The following ELP2 variants were observed in gnomAD, a reference collection of about 807,000 sequenced individuals.
The protein encoded by ELP2 is elongator acetyltransferase complex subunit 2.
A neutral mutation model predicts 119.2 loss-of-function variants in ELP2; 90 were observed. That is an observed-to-expected ratio of 0.75 (90% CI 0.64 to 0.90). ELP2 has a LOEUF of 0.90. Among genes scored for constraint, ELP2 ranks in the 40% least tolerant of loss-of-function variants. The pLI is 0.00. For synonymous variants in ELP2, 339 were observed against 331.0 expected (o/e 1.02, Z -0.26); for missense variants, 921 against 967.8 (o/e 0.95, Z 0.64).
intron 12 of ELP2, among the ~76,000 whole-genome samples, chr18:36,155,764 G>C (rs865950138): frequency 1.2e-4 from 19 of 152,034 alleles, no homozygotes; most frequent in African/African-American, 3.6e-4. Context: ...GTTATGTCTT[G>C]TAATTTTAGG....
At chr18:36,159,087 G>A (rs2090653776) in intron 14 of ELP2, among the ~76,000 whole-genome samples, 183 bp downstream of exon 14, 1 of 150,202 alleles carries the variant, frequency 6.7e-6, no homozygotes, top group South Asian at 2.1e-4. Flanking sequence ...TGAAGTAGAT[G>A]CAGTTTTCAC....
At chr18:36,161,025 T>C in intron 17 of ELP2, 21 bp downstream of exon 17, 2 of 1,591,316 alleles carry the variant, frequency 1.3e-6, no homozygotes, top group Non-Finnish European at 1.7e-6. Context: ...TTACTTTTGA[T>C]TCTGCTTGGT....
At chr18:36,130,123 T>TTTTCG in intron 1 of ELP2, 52 bp downstream of exon 1, 1 of 1,611,714 alleles carries the variant, frequency 6.2e-7, no homozygotes, top group Non-Finnish European at 8.5e-7. Context: ...GTTGAACCTG[T>TTTTCG]GGACGTGCTC....
rs745932114 is a variant in ELP2 at position 36,159,971 on chromosome 18, G to A, written c.1644G>A (p.Glu548=). Residue 548 remains glutamate (E), a synonymous_variant, in exon 16 of 22, where the codon GAG becomes GAA. Transcript: ENST00000358232. Reference sequence around the variant, plus strand: ...AATTTATTCTAGAGCCTCCCACTGAGGATCATCTTCTGCAGAATACTTTGT... The same window carrying A: ...AATTTATTCTAGAGCCTCCCACTGAAGATCATCTTCTGCAGAATACTTTGT... The part of the protein sequence containing the change: ...QPSILTEPPT[E]DHLLQNTLWP... The A allele has an allele frequency of 1.2e-6, 2 of 1,614,066 alleles. No homozygotes were observed. Among genetic ancestry groups the A allele is most frequent in the East Asian group, 4.5e-5 (2 of 44,854 alleles).
In ELP2 at chr18:36,171,769, T is replaced by G. The variant is rs185736966; in HGVS notation, c.2324+609T>G. On this transcript the variant is annotated intron_variant, in intron 21 of 21. Coordinates refer to ENST00000358232, the MANE Select transcript of ELP2 (RefSeq NM_018255.4). ...TCTCACTCTGTCACCTAGGCTAGAG[T>G]GCAGTGGCAAGATCCCAGCTCACTG... is the stretch of plus-strand genomic sequence containing the variant. 3.7e-3 allele frequency among the ~76,000 whole-genome samples: 570 copies of G among 152,312 alleles called. 2 individuals carry two copies. Among genetic ancestry groups the G allele is most frequent in the Middle Eastern group, 0.014 (4 of 294 alleles).
chr18:36,164,405 T>C, intron 17 of ELP2, 70 bp from the exon 18 acceptor site: 1 of 1,427,070 alleles, frequency 7.0e-7, no homozygotes, highest in Non-Finnish European at 9.9e-7. Context: ...AACAATGTGT[T>C]GTTTTTAAAA....
At chr18:36,131,923 G>A (rs1388471674) in intron 1 of ELP2, among the ~76,000 whole-genome samples, 1 of 145,092 alleles carries the variant, frequency 6.9e-6, no homozygotes, top group Non-Finnish European at 1.5e-5. Flanking sequence ...AATATTTGCT[G>A]GTCGGGCTTT....
chr18:36,133,896 G>GTTTTTTTT (rs1567972210), intron 2 of ELP2, among the ~76,000 whole-genome samples: 1 of 114,794 alleles, frequency 8.7e-6, no homozygotes, highest in African/African-American at 3.5e-5. Context: ...GTTTTTTAGG[G>GTTTTTTTT]GTTTTTTTTT....
At chr18:36,135,721 C>T (rs1003633442) in intron 2 of ELP2, among the ~76,000 whole-genome samples, 3 of 152,052 alleles carry the variant, frequency 2.0e-5, no homozygotes, top group African/African-American at 7.2e-5. Context: ...ATGTTCCTGC[C>T]AAGAGTGTTT....
At chr18:36,144,828 T>C (rs772039942) in intron 8 of ELP2, 111 bp from the exon 9 acceptor site, 5 of 836,222 alleles carry the variant, frequency 6.0e-6, no homozygotes, top group African/African-American at 3.4e-5. Context: ...CCAACTATCA[T>C]ATTTTGTCCT....
In ELP2 at chr18:36,170,778, T is replaced by C. The variant is rs191550812; in HGVS notation, c.2211-269T>C. ...CTTTCTCTGTAACAAGCATCTTCAG[T>C]GGAACAAGGGTCCCTACAGCCAGCT... On this transcript the variant is annotated intron_variant, in intron 20 of 21. Transcript: ENST00000358232. The C allele has an allele frequency of 1.7e-4, 88 of 512,610 alleles. 2 individuals are homozygous for C. In the East Asian group the frequency reaches 3.0e-3, roughly 18 times the overall value. 31.8% of individuals were successfully genotyped at this position (512,610 alleles called of 1,614,324 possible).
rs144954294 is a variant in ELP2, at chr18:36,156,536, G to A, written c.1346G>A (p.Arg449Gln). 28 of 1,613,948 alleles carry A rather than the reference G, an allele frequency of 1.7e-5. No homozygotes were observed. The highest frequency in any genetic ancestry group is 1.2e-4 in the African/African-American group (9 of 74,902). ...YDLKCLAMIN[R>Q]FQFVSGADEK... ...CTGAAATGTTTGGCAATGATTAATCGGTTTCAGTTTGTATCTGGAGCAGAT... is the reference window on the plus strand; with the variant it reads ...CTGAAATGTTTGGCAATGATTAATCAGTTTCAGTTTGTATCTGGAGCAGAT... Residue 449 changes from arginine to glutamine, a missense_variant, in exon 13 of 22, where the codon CGG becomes CAG. Transcript: ENST00000358232.
At chr18:36,149,281 C>CA in intron 11 of ELP2, among the ~76,000 whole-genome samples, 1 of 152,190 alleles carries the variant, frequency 6.6e-6, no homozygotes, top group South Asian at 2.1e-4. Flanking sequence ...AGTAGCTCCT[C>CA]AGTCTACTAC....
intron 6 of ELP2, among the ~76,000 whole-genome samples, chr18:36,141,692 CTTT>C (rs1204242187): frequency 2.9e-5 from 4 of 137,264 alleles, no homozygotes; most frequent in African/African-American, 5.3e-5. Context: ...AGCTATTCAA[CTTT>C]TTTTTTTTTT....
At chr18:36,137,491 G>GCAGACA in intron 3 of ELP2, among the ~76,000 whole-genome samples, 1 of 152,082 alleles carries the variant, frequency 6.6e-6, no homozygotes, top group Non-Finnish European at 1.5e-5. Flanking sequence ...AGACATTTAA[G>GCAGACA]GAACACCACT....
intron 11 of ELP2, among the ~76,000 whole-genome samples, chr18:36,152,902 G>A (rs1785906): frequency 0.98 from 149,920 of 152,336 alleles, 73,826 homozygotes; most frequent in East Asian, 1. Context: ...CAATTCCTTA[G>A]CACTACACCC....
chr18:36,141,138 A>G lies in ELP2; in HGVS notation c.525A>G (p.Val175=), dbSNP rs540922376. ...GAAGCCTGTTTTTTCTTCCCCCAGTACCAATATTAGCATGTGGCAATGATG... is the reference window on the plus strand; with the variant it reads ...GAAGCCTGTTTTTTCTTCCCCCAGTGCCAATATTAGCATGTGGCAATGATG... The part of the protein sequence containing the change: ...LCLSFLPNTD[V]PILACGNDDC... The change falls in exon 6 of 22, where the codon GTA becomes GTG. Residue 175 remains valine, a splice_region_variant and synonymous_variant. Transcript: ENST00000358232. 2 of 1,613,530 alleles carry G rather than the reference A, an allele frequency of 1.2e-6. No homozygotes were observed. Among genetic ancestry groups the G allele is most frequent in the South Asian group, 2.2e-5 (2 of 91,068 alleles).
chr18:36,153,286 A>G (rs2090460328), intron 11 of ELP2, among the ~76,000 whole-genome samples: 1 of 152,168 alleles, frequency 6.6e-6, no homozygotes, highest in Non-Finnish European at 1.5e-5. Flanking sequence ...ATCTCAACAC[A>G]GCTGCAGCTT....
chr18:36,164,199 A>G (rs1038107568), intron 17 of ELP2, among the ~76,000 whole-genome samples: 15 of 151,860 alleles, frequency 9.9e-5, no homozygotes, highest in African/African-American at 3.6e-4. Context: ...TCATGGAATA[A>G]TTTTTCAAGA....
Sources: allele counts gnomAD v4.1 joint callset (sites outside exome capture counted in the v4.1 genomes callset), GRCh38; gene constraint gnomAD v4.1.1; transcripts MANE v1.5; gene names NCBI Gene and HGNC (gene_info 2026-07-23, HGNC 2026-07-21).